TDRD7: variants seen among roughly 807,000 people sequenced by gnomAD.
TDRD7 encodes the protein tudor domain containing 7, also known as tudor domain-containing protein 7.
Under a neutral mutation model 109.8 loss-of-function variants are expected in TDRD7, and 47 were observed. The ratio of observed to expected loss-of-function variants is 0.43; its 90% CI spans 0.34 to 0.55. TDRD7 has a LOEUF of 0.55. Ranked by LOEUF, TDRD7 falls within the 20% of genes least tolerant of loss-of-function variation. The pLI is 0.03. For synonymous variants in TDRD7, 424 were observed against 457.3 expected (o/e 0.93, Z 0.93); for missense variants, 1,164 against 1,319.2 (o/e 0.88, Z 1.82).
intron 4 of TDRD7, among the ~76,000 whole-genome samples, chr9:97,434,653 C>T (rs986214675): frequency 6.6e-6 from 1 of 152,064 alleles, no homozygotes; most frequent in African/African-American, 2.4e-5. Flanking sequence ...TAATAGGGCC[C>T]AGCAGTTGCG....
At chr9:97,422,374 C>T (rs1364563426) in intron 1 of TDRD7, among the ~76,000 whole-genome samples, 1 of 151,892 alleles carries the variant, frequency 6.6e-6, no homozygotes, top group Non-Finnish European at 1.5e-5. Flanking sequence ...CCAGCCTGGG[C>T]AACAGATCAA....
In TDRD7 at chr9:97,412,934, A is replaced by G. The variant is rs149885213; in HGVS notation, c.-7+696A>G. ...CTAGGAGGGAGCTTGGAGCCGGCAT[A>G]TCTTTCTGCTCCCATTCACTTGAGA... is the stretch of plus-strand genomic sequence containing the variant. On this transcript the variant is annotated intron_variant, in intron 1 of 16. Coordinates refer to ENST00000355295, the MANE Select transcript of TDRD7 (RefSeq NM_014290.3). The surrounding 1 kb of genome is among the most constrained non-coding windows in gnomAD (Gnocchi z 4.3). Among the ~76,000 whole-genome samples the G allele has an allele frequency of 7.9e-5, 12 of 152,280 alleles. No homozygotes were observed. The East Asian group carries it at 2.3e-3, about 29-fold the overall frequency.
At position 97,470,601 on chromosome 9, in the gene TDRD7, G is replaced by A. The variant is rs1828893551; in HGVS notation, c.1673G>A (p.Ser558Asn). 6.2e-7 allele frequency: 1 copy of A among 1,613,716 alleles called. No homozygotes were observed. The highest frequency in any genetic ancestry group is 8.5e-7 in the Non-Finnish European group (1 of 1,179,922). Residue 558 changes from serine (S) to asparagine (N), a missense_variant, in exon 9 of 17, where the codon AGC becomes AAC. Ser to Asn is a conservative substitution (Grantham distance 46). Around this residue, in one of 5 missense-constraint regions of TDRD7, gnomAD observed 261 missense variants for 336.2 expected, o/e 0.78. Coordinates refer to ENST00000355295, the MANE Select transcript of TDRD7 (RefSeq NM_014290.3). ...DYGFSENVEKSKAYKLNPKFC... is the reference protein window; with the variant it reads ...DYGFSENVEKNKAYKLNPKFC... ...GGTTTTAGTGAAAATGTTGAAAAAAGCAAAGCATACAAATTAAACCCGAAG... is the reference window on the plus strand; with the variant it reads ...GGTTTTAGTGAAAATGTTGAAAAAAACAAAGCATACAAATTAAACCCGAAG...
intron 1 of TDRD7, among the ~76,000 whole-genome samples, chr9:97,424,741 C>T (rs2118254004): frequency 6.6e-6 from 1 of 152,124 alleles, no homozygotes; most frequent in Non-Finnish European, 1.5e-5. Flanking sequence ...CTCTGCCAAC[C>T]CCTAATGTTT....
intron 6 of TDRD7, among the ~76,000 whole-genome samples, chr9:97,449,935 T>A (rs1286424577): frequency 6.6e-6 from 1 of 152,332 alleles, no homozygotes; most frequent in African/African-American, 2.4e-5. Context: ...CTGCCAAGCC[T>A]AGTATTTCTG....
chr9:97,448,271 T>C (rs922924188), intron 6 of TDRD7, among the ~76,000 whole-genome samples: 1 of 152,204 alleles, frequency 6.6e-6, no homozygotes, highest in Admixed American at 6.5e-5. Flanking sequence ...GTAGGTGATA[T>C]GGAACGGTGG....
chr9:97,480,388 T>C (rs539778170), intron 13 of TDRD7: 33 of 210,878 alleles, frequency 1.6e-4, no homozygotes, highest in African/African-American at 7.3e-4. Context: ...AAATGCTGAA[T>C]GAAGCAACAG....
chr9:97,472,190 A>G, intron 9 of TDRD7, 103 bp from the exon 10 acceptor site: 1 of 1,011,472 alleles, frequency 9.9e-7, no homozygotes, highest in Non-Finnish European at 1.5e-6. Flanking sequence ...ATTTTGCAGT[A>G]GGCTTATAAT....
rs1828456945 is a variant in TDRD7 at position 97,449,619 on chromosome 9, A to C, written c.855+7744A>C. Among the ~76,000 whole-genome samples the C allele has an allele frequency of 2.0e-5, 3 of 152,130 alleles. No homozygotes were observed. The South Asian group carries it at 6.2e-4, about 32-fold the overall frequency. ...CTGCCACCCTCCAGGCAGCCCTCCA[A>C]ACCTGTCATCTTGGGGTTTTATGGA... On this transcript the variant is annotated intron_variant, in intron 6 of 16. Coordinates refer to ENST00000355295, the MANE Select transcript of TDRD7 (RefSeq NM_014290.3).
At chr9:97,451,335 G>A (rs188891821) in intron 6 of TDRD7, among the ~76,000 whole-genome samples, 1 of 152,158 alleles carries the variant, frequency 6.6e-6, no homozygotes, top group Admixed American at 6.5e-5. Flanking sequence ...TGTCCCTTAG[G>A]CTGGAGTGCA....
In TDRD7 at chr9:97,428,596, T is replaced by C. The variant is rs1564195151; in HGVS notation, c.131T>C (p.Leu44Pro). Residue 44 changes from leucine to proline, a missense_variant, in exon 2 of 17, where the codon CTA becomes CCA. Coordinates refer to ENST00000355295, the MANE Select transcript of TDRD7 (RefSeq NM_014290.3). ...GGAGACTGGATCCCCTTCAAACAGC[T>C]AGGTTTCCCTACACTAGAAGCCTAT... ...LTGDWIPFKQ[L>P]GFPTLEAYLR... 1 of 1,613,580 alleles carries C rather than the reference T, an allele frequency of 6.2e-7. No homozygotes were observed. Among genetic ancestry groups the C allele is most frequent in the African/African-American group, 1.3e-5 (1 of 74,810 alleles).
At chr9:97,413,196 G>C (rs728210) in intron 1 of TDRD7, among the ~76,000 whole-genome samples, 43,954 of 152,066 alleles carry the variant, frequency 0.29, 6,531 homozygotes, top group African/African-American at 0.37. Context: ...TAGAGAGATA[G>C]GCAACAGCTT....
intron 7 of TDRD7, among the ~76,000 whole-genome samples, chr9:97,464,470 G>C (rs576587512): frequency 1.3e-5 from 2 of 152,196 alleles, no homozygotes; most frequent in South Asian, 2.1e-4. Context: ...CGATTCTCCT[G>C]CCTTAGCCTC....
At chr9:97,432,915 A>G (rs575246967) in intron 4 of TDRD7, among the ~76,000 whole-genome samples, 26 of 152,300 alleles carry the variant, frequency 1.7e-4, no homozygotes, top group African/African-American at 6.3e-4. Flanking sequence ...GAACATGGCC[A>G]TTTTGCTTTG....
At position 97,430,800 on chromosome 9, in the gene TDRD7, G is replaced by A. The variant is rs991475996; in HGVS notation, c.208-133G>A. The A allele has an allele frequency of 1.8e-5, 19 of 1,046,976 alleles. No individual in the cohort carries two copies. The African/African-American group carries it at 2.4e-4, about 13-fold the overall frequency. The allele number at this position is 1,046,976 out of a possible 1,614,324, so 64.9% of individuals were successfully genotyped here. On this transcript the variant is annotated intron_variant, in intron 2 of 16. Transcript: ENST00000355295. ...TTTTCTTCTAGCATTATCAAGGAGC[G>A]AGACACATGAATATTTGCATACCAC...
At chr9:97,425,935 G>A (rs1243008663) in intron 1 of TDRD7, among the ~76,000 whole-genome samples, 2 of 152,274 alleles carry the variant, frequency 1.3e-5, no homozygotes, top group Non-Finnish European at 2.9e-5. Context: ...CTTCAACCCT[G>A]TTCAGCATGT....
intron 6 of TDRD7, among the ~76,000 whole-genome samples, chr9:97,458,849 G>C (rs10817606): frequency 6.6e-6 from 1 of 151,898 alleles, no homozygotes; most frequent in African/African-American, 2.4e-5. Context: ...ACAAGATAGC[G>C]CCTTCTTTCT....
intron 9 of TDRD7, among the ~76,000 whole-genome samples, chr9:97,471,195 G>T (rs180711479): frequency 6.6e-6 from 1 of 152,298 alleles, no homozygotes; most frequent in African/African-American, 2.4e-5. Context: ...GTATGAGAGT[G>T]CCATGTAGGG....
At chr9:97,417,367 A>G (rs1422083891) in intron 1 of TDRD7, among the ~76,000 whole-genome samples, 2 of 152,196 alleles carry the variant, frequency 1.3e-5, no homozygotes, top group Non-Finnish European at 2.9e-5. Flanking sequence ...TATATATTAT[A>G]TGAAAAGATC....
Sources: allele counts gnomAD v4.1 joint callset (sites outside exome capture counted in the v4.1 genomes callset), GRCh38; gene constraint gnomAD v4.1.1; regional missense constraint gnomAD v4.1.1; non-coding constraint Gnocchi (gnomAD v3.1); transcripts MANE v1.5; gene names NCBI Gene and HGNC (gene_info 2026-07-23, HGNC 2026-07-21).